PEX7: variants seen among roughly 807,000 people sequenced by gnomAD.
PEX7 encodes PTS2 receptor.
A neutral mutation model predicts 47.5 loss-of-function variants in PEX7; 34 were observed. The observed-to-expected ratio is 0.72, with a 90% CI of 0.54 to 0.95. PEX7 has a LOEUF of 0.95. Ranked by LOEUF, PEX7 falls within the 40% of genes least tolerant of loss-of-function variation. PEX7 has a pLI of 0.00. For synonymous variants in PEX7, 141 were observed against 148.8 expected, an observed-to-expected ratio of 0.95 and a Z score of 0.38; for missense variants, 394 against 400.3, an observed-to-expected ratio of 0.98 and a Z score of 0.13.
intron 3 of PEX7, among the ~76,000 whole-genome samples, chr6:136,836,845 T>C (rs1256401307): frequency 6.6e-6 from 1 of 151,674 alleles, no homozygotes; most frequent in Non-Finnish European, 1.5e-5. Flanking sequence ...CTCGGCTACT[T>C]AGGAGGCTGA....
chr6:136,913,875 G>T lies in PEX7; in HGVS notation c.*349G>T. ...ATTTCATTTTTAATTTGTCATTTTT[G>T]ATGTAAAATATAATCACTGCTGTGA... On this transcript the variant is annotated 3_prime_UTR_variant, in exon 10 of 10. Coordinates refer to ENST00000318471, the MANE Select transcript of PEX7 (RefSeq NM_000288.4). 1 of 228,234 alleles carries T rather than the reference G, an allele frequency of 4.4e-6. No homozygotes were observed. The highest frequency in any genetic ancestry group is 6.5e-5 in the South Asian group (1 of 15,304). The allele number at this position is 228,234 out of a possible 1,614,324, so 14.1% of individuals were successfully genotyped here.
intron 8 of PEX7, among the ~76,000 whole-genome samples, chr6:136,897,912 T>TAA (rs1775679497): frequency 6.6e-6 from 1 of 151,978 alleles, no homozygotes; most frequent in South Asian, 2.1e-4. Flanking sequence ...AGAATAATCT[T>TAA]TTATAGGGTA....
chr6:136,910,784 A>G (rs1448061566), intron 9 of PEX7, among the ~76,000 whole-genome samples: 3 of 151,816 alleles, frequency 2.0e-5, no homozygotes, highest in Admixed American at 6.6e-5. Context: ...GGTCAAAAGC[A>G]CTCTCTTGCT....
At chr6:136,898,966 C>T (rs1324062783) in intron 9 of PEX7, among the ~76,000 whole-genome samples, 1 of 151,460 alleles carries the variant, frequency 6.6e-6, no homozygotes, top group Non-Finnish European at 1.5e-5. Flanking sequence ...TAGAGCATGA[C>T]TGTGAAATTG....
chr6:136,824,466 G>A (rs950316930), intron 1 of PEX7, among the ~76,000 whole-genome samples: 1 of 152,066 alleles, frequency 6.6e-6, no homozygotes, highest in Non-Finnish European at 1.5e-5. Context: ...GCCTCCCAAA[G>A]TGCTGGGATT....
intron 2 of PEX7, among the ~76,000 whole-genome samples, chr6:136,825,551 A>G (rs921341576): frequency 2.6e-4 from 40 of 150,964 alleles, no homozygotes; most frequent in Non-Finnish European, 5.0e-4. Context: ...TTTTTTTTTT[A>G]TGCACAGAGT....
At chr6:136,847,893 C>T (rs918054294) in intron 5 of PEX7, among the ~76,000 whole-genome samples, 12 of 152,088 alleles carry the variant, frequency 7.9e-5, no homozygotes, top group African/African-American at 1.4e-4. Context: ...AAGTCATTGG[C>T]AGCTTGATGG....
intron 8 of PEX7, among the ~76,000 whole-genome samples, chr6:136,889,247 G>A (rs1775517328): frequency 6.6e-6 from 1 of 152,034 alleles, no homozygotes; most frequent in Non-Finnish European, 1.5e-5. Flanking sequence ...GTATACTTTT[G>A]TAAGTTAAGT....
rs562714180 is a variant in PEX7, at chr6:136,876,492, C to T, written c.803+4239C>T. On this transcript the variant is annotated intron_variant, in intron 8 of 9. Coordinates refer to ENST00000318471, the MANE Select transcript of PEX7 (RefSeq NM_000288.4). The stretch of plus-strand genomic sequence containing the variant: ...CTCCTAATGCTATCCCTCCTCTAGT[C>T]CCCCACCCCCCAAAAGGCCCCAATG... Among the ~76,000 whole-genome samples the T allele has an allele frequency of 2.0e-5, 3 of 152,190 alleles. No individual in the cohort carries two copies. The East Asian group carries it at 5.8e-4, about 29-fold the overall frequency.
intron 1 of PEX7, among the ~76,000 whole-genome samples, chr6:136,824,352 C>G (rs1273649408): frequency 6.6e-6 from 1 of 152,076 alleles, no homozygotes; most frequent in Admixed American, 6.6e-5. Flanking sequence ...AGGCATGTAC[C>G]ATCACACCTG....
intron 8 of PEX7, among the ~76,000 whole-genome samples, chr6:136,889,458 T>C (rs1451010433): frequency 1.3e-5 from 2 of 152,170 alleles, no homozygotes; most frequent in African/African-American, 4.8e-5. Context: ...CATGAATAAA[T>C]AGATAAATCT....
intron 5 of PEX7, among the ~76,000 whole-genome samples, chr6:136,862,389 T>G (rs2115206991): frequency 6.6e-6 from 1 of 151,344 alleles, no homozygotes; most frequent in Non-Finnish European, 1.5e-5. Flanking sequence ...TATTTTTACG[T>G]TTTTGAGACA....
At position 136,842,946 on chromosome 6, in the gene PEX7, T is replaced by C. The variant is rs563601813; in HGVS notation, c.340-2669T>C. On this transcript the variant is annotated intron_variant, in intron 3 of 9. Coordinates refer to ENST00000318471, the MANE Select transcript of PEX7 (RefSeq NM_000288.4). Reference sequence around the variant, plus strand: ...ACAAGTGGAGAGGGGCTTTAAGATCTGTGTATAGGTAATTCATGAAAACAC... The same window carrying C: ...ACAAGTGGAGAGGGGCTTTAAGATCCGTGTATAGGTAATTCATGAAAACAC... 1.3e-3 allele frequency among the ~76,000 whole-genome samples: 192 copies of C among 152,296 alleles called. 1 individual carries two copies. The highest frequency in any genetic ancestry group is 4.2e-3 in the African/African-American group (175 of 41,560).
Position 136,822,686 on chromosome 6 carries a change from A to G in PEX7, c.21A>G (p.Gly7=), listed in dbSNP as rs1774097399. The G allele has an allele frequency of 2.0e-6, 3 of 1,521,808 alleles. No homozygotes were observed. Among genetic ancestry groups the G allele is most frequent in the Non-Finnish European group, 1.8e-6 (2 of 1,141,074 alleles). 94.3% of individuals were successfully genotyped at this position (1,521,808 alleles called of 1,614,324 possible). MSAVCG[G]AARMLRTPGR... ...GCGGGATGAGTGCGGTGTGCGGTGG[A>G]GCGGCGCGGATGCTGCGGACGCCGG... Residue 7 remains glycine (G), a synonymous_variant, in exon 1 of 10, where the codon GGA becomes GGG. Coordinates refer to ENST00000318471, the MANE Select transcript of PEX7 (RefSeq NM_000288.4).
chr6:136,831,466 C>G (rs1013809509), intron 3 of PEX7, among the ~76,000 whole-genome samples: 4 of 152,182 alleles, frequency 2.6e-5, no homozygotes, highest in South Asian at 2.1e-4. Context: ...TCATTCCACT[C>G]CTGGCGCCTC....
intron 3 of PEX7, among the ~76,000 whole-genome samples, chr6:136,844,119 C>T (rs1774552456): frequency 6.6e-6 from 1 of 152,048 alleles, no homozygotes; most frequent in African/African-American, 2.4e-5. Context: ...AAACCTAGCA[C>T]TTTGGGAGGC....
intron 3 of PEX7, among the ~76,000 whole-genome samples, chr6:136,830,759 G>T (rs1433697119): frequency 6.6e-6 from 1 of 152,144 alleles, no homozygotes; most frequent in African/African-American, 2.4e-5. Flanking sequence ...ATAAATCAAT[G>T]TAATATATTA....
At chr6:136,902,566 C>T (rs887714923) in intron 9 of PEX7, among the ~76,000 whole-genome samples, 1 of 152,092 alleles carries the variant, frequency 6.6e-6, no homozygotes, top group Non-Finnish European at 1.5e-5. Flanking sequence ...CTGAAGGCAT[C>T]GTTTTCTTTG....
intron 3 of PEX7, among the ~76,000 whole-genome samples, chr6:136,841,339 C>A (rs1774493078): frequency 6.6e-6 from 1 of 152,164 alleles, no homozygotes; most frequent in African/African-American, 2.4e-5. Flanking sequence ...ATGCTGCCAT[C>A]ACTGACAGTC....
Sources: gnomAD v4.1 joint callset for allele counts (sites outside exome capture counted in the v4.1 genomes callset) on GRCh38, gnomAD v4.1.1 for gene constraint, MANE v1.5 for transcripts, NCBI Gene and HGNC (gene_info 2026-07-23, HGNC 2026-07-21) for gene names.